GNPDA2: variants seen among roughly 807,000 people sequenced by gnomAD.
GNPDA2 encodes the protein glucosamine-6-phosphate deaminase 2.
Under a neutral mutation model 27.0 loss-of-function variants are expected in GNPDA2, and 24 were observed. The observed-to-expected ratio is 0.89, with a 90% CI of 0.64 to 1.25. The LOEUF (loss-of-function observed/expected upper bound fraction) is 1.25, where lower values mean the gene tolerates loss of function less well. GNPDA2 is among the 50% of genes most tolerant of loss of function. GNPDA2 has a pLI of 0.00. For synonymous variants in GNPDA2, 94 were observed against 108.4 expected (o/e 0.87, Z 0.83); for missense variants, 286 against 335.1 (o/e 0.85, Z 1.14).
At chr4:44,715,578 CA>C (rs1386206450) in intron 4 of GNPDA2, among the ~76,000 whole-genome samples, 1 of 152,010 alleles carries the variant, frequency 6.6e-6, no homozygotes, top group African/African-American at 2.4e-5. Context: ...ATGGTCTATG[CA>C]CCCCTCAGAC....
intron 6 of GNPDA2, chr4:44,705,261 C>G (rs1716520597): frequency 1.0e-6 from 1 of 981,484 alleles, no homozygotes; most frequent in South Asian, 4.7e-5. Context: ...GAAAAGTATA[C>G]AAACTACATT....
At chr4:44,712,426 G>A (rs1354651716) in intron 4 of GNPDA2, among the ~76,000 whole-genome samples, 1 of 152,084 alleles carries the variant, frequency 6.6e-6, no homozygotes. Flanking sequence ...AGTACAGAAT[G>A]CCAAAGTACA....
intron 4 of GNPDA2, among the ~76,000 whole-genome samples, chr4:44,712,761 A>C (rs1177742206): frequency 6.6e-6 from 1 of 152,216 alleles, no homozygotes; most frequent in African/African-American, 2.4e-5. Context: ...GCTAAGCTGA[A>C]ATTATGAGCA....
At chr4:44,703,994 G>C in intron 6 of GNPDA2, 1 of 985,150 alleles carries the variant, frequency 1.0e-6, no homozygotes, top group Non-Finnish European at 1.2e-6. Context: ...ATGCGGTTTT[G>C]CAGGAAATGG....
chr4:44,721,057 A>G (rs1313592358), intron 2 of GNPDA2, among the ~76,000 whole-genome samples: 26 of 35,194 alleles, frequency 7.4e-4, no homozygotes, highest in East Asian at 1.7e-3. Context: ...GTGTCCAGTG[A>G]AAAAAAAAAA....
intron 4 of GNPDA2, among the ~76,000 whole-genome samples, chr4:44,716,512 T>TTA (rs1301381094): frequency 1.5e-4 from 2 of 13,792 alleles, no homozygotes; most frequent in East Asian, 6.2e-3. Flanking sequence ...TAACTGTAGA[T>TTA]TATATATACA....
At chr4:44,719,736 G>A (rs1338580125) in intron 2 of GNPDA2, among the ~76,000 whole-genome samples, 5 of 151,576 alleles carry the variant, frequency 3.3e-5, no homozygotes, top group African/African-American at 1.2e-4. Context: ...TCACAATGGA[G>A]GTGACAAATT....
intron 5 of GNPDA2, among the ~76,000 whole-genome samples, chr4:44,710,102 A>G (rs571437650): frequency 6.6e-6 from 1 of 152,332 alleles, no homozygotes; most frequent in East Asian, 1.9e-4. Context: ...ATTGCTCTAA[A>G]ATCCTTTTTT....
intron 1 of GNPDA2, among the ~76,000 whole-genome samples, chr4:44,725,535 T>A: frequency 6.6e-6 from 1 of 152,164 alleles, no homozygotes. Context: ...ACCACACATC[T>A]CACTGAAACG....
chr4:44,715,113 C>A lies in GNPDA2; in HGVS notation c.409+2000G>T, dbSNP rs570315001. Reference sequence around the variant, plus strand: ...TGGTTTATACTGAAGAAACATAACCCCCTCCCAAAAAAAATTAGCTGAAAA... The same window carrying A: ...TGGTTTATACTGAAGAAACATAACCACCTCCCAAAAAAAATTAGCTGAAAA... On this transcript the variant is annotated intron_variant, in intron 4 of 6. Coordinates refer to ENST00000295448, the MANE Select transcript of GNPDA2 (RefSeq NM_138335.3). Among the ~76,000 whole-genome samples the A allele has an allele frequency of 2.6e-5, 4 of 151,892 alleles. No homozygotes were observed. In the East Asian group the frequency reaches 5.8e-4, roughly 22 times the overall value.
rs1717719932 is a variant in GNPDA2 at position 44,722,258 on chromosome 4, T to C, written c.-35-16A>G. The C allele has an allele frequency of 1.9e-6, 3 of 1,582,814 alleles. No individual in the cohort carries two copies. The highest frequency in any genetic ancestry group is 1.7e-6 in the Non-Finnish European group (2 of 1,163,706). On this transcript the variant is annotated splice_polypyrimidine_tract_variant and intron_variant, in intron 1 of 6. Transcript: ENST00000295448. The stretch of plus-strand genomic sequence containing the variant: ...AAGTTCAAACCTGAGAAAAGTCCAT[T>C]GTAGAACACTTTACATAATAAACAG...
chr4:44,703,947 G>T, intron 6 of GNPDA2: 12 of 984,576 alleles, frequency 1.2e-5, no homozygotes, highest in Non-Finnish European at 1.4e-5. Flanking sequence ...AAGTTTTCCA[G>T]GTATTAAGAA....
At chr4:44,714,558 G>A (rs1717164503) in intron 4 of GNPDA2, 1 of 984,952 alleles carries the variant, frequency 1.0e-6, no homozygotes, top group African/African-American at 1.7e-5. Context: ...CCCCATTCTG[G>A]CTTCAAGCCC....
At position 44,711,124 on chromosome 4, in the gene GNPDA2, A is replaced by G. The variant is rs776237715; in HGVS notation, c.423T>C (p.Asp141=). The change falls in exon 5 of 7, where the codon GAT becomes GAC. Residue 141 remains aspartate, a synonymous_variant. Transcript: ENST00000295448. ...IDLFVGGIGP[D]GHIAFNEPGS... ...CAGGCTCATTGAAAGCGATATGACC[A>G]TCTGGACCAATTCCTTTCAAAAGAA... 6.3e-7 allele frequency: 1 copy of G among 1,591,332 alleles called. No homozygotes were observed. Among genetic ancestry groups the G allele is most frequent in the Non-Finnish European group, 8.5e-7 (1 of 1,171,318 alleles).
At position 44,702,291 on chromosome 4, in the gene GNPDA2, A is replaced by C; in HGVS notation, c.*790T>G. The stretch of plus-strand genomic sequence containing the variant: ...TCTTTTAGACATTTTATAAGGAATA[A>C]AGCTAATTGTATATTAAGTTTAACA... On this transcript the variant is annotated 3_prime_UTR_variant, in exon 7 of 7. Coordinates refer to ENST00000295448, the MANE Select transcript of GNPDA2 (RefSeq NM_138335.3). The C allele has an allele frequency of 1.5e-6, 1 of 645,852 alleles. No homozygotes were observed. Among genetic ancestry groups the C allele is most frequent in the African/African-American group, 2.0e-5 (1 of 50,712 alleles). The allele number at this position is 645,852 out of a possible 1,614,324, so 40.0% of individuals were successfully genotyped here. A position where few individuals can be genotyped will look rare whatever the true frequency, so the allele number is the denominator to read the frequency against.
intron 6 of GNPDA2, chr4:44,703,584 T>C (rs1133650): frequency 0.61 from 598,468 of 979,448 alleles, 186,452 homozygotes; most frequent in Non-Finnish European, 0.64. Flanking sequence ...ATTCGTCTGG[T>C]AAATTACTTT....
intron 1 of GNPDA2, 28 bp downstream of exon 1, chr4:44,726,446 C>G (rs1718033113): frequency 6.6e-6 from 1 of 152,472 alleles, no homozygotes; most frequent in African/African-American, 2.4e-5. Flanking sequence ...CTTCTTGGCG[C>G]CCCCGCCGCA....
At chr4:44,724,075 A>T (rs935693013) in intron 1 of GNPDA2, among the ~76,000 whole-genome samples, 2 of 152,148 alleles carry the variant, frequency 1.3e-5, no homozygotes, top group African/African-American at 4.8e-5. Context: ...GTCCTTTGCT[A>T]CTTGGGCATG....
chr4:44,707,478 C>A, intron 6 of GNPDA2: 1 of 428,088 alleles, frequency 2.3e-6, no homozygotes, highest in South Asian at 7.6e-5. Flanking sequence ...CTTGTATATT[C>A]AATATGAAAG....
Sources: gnomAD v4.1 joint callset for allele counts (sites outside exome capture counted in the v4.1 genomes callset) on GRCh38, gnomAD v4.1.1 for gene constraint, MANE v1.5 for transcripts, NCBI Gene and HGNC (gene_info 2026-07-23, HGNC 2026-07-21) for gene names.